The following RAP1GDS1 variants were observed in gnomAD, a reference collection of about 807,000 sequenced individuals.
RAP1GDS1 encodes RAP1, GTP-GDP dissociation stimulator 1.
RAP1GDS1 carries 35 observed loss-of-function variants against 71.1 expected under a neutral mutation model. The observed-to-expected ratio is 0.49, with a 90% CI of 0.38 to 0.65. The LOEUF is 0.65. Ranked by LOEUF, RAP1GDS1 falls within the 30% of genes least tolerant of loss-of-function variation. The probability of loss-of-function intolerance (pLI) is 0.00; values close to 1 mark genes in which losing one functional copy is unlikely to be tolerated. For missense variants in RAP1GDS1, 663 were observed against 706.1 expected, an observed-to-expected ratio of 0.94 and a Z score of 0.69; for synonymous variants, 229 against 243.1, an observed-to-expected ratio of 0.94 and a Z score of 0.54.
chr4:98,429,964 C>A (rs1750161962), intron 12 of RAP1GDS1, among the ~76,000 whole-genome samples: 1 of 151,942 alleles, frequency 6.6e-6, no homozygotes, highest in Non-Finnish European at 1.5e-5. Context: ...AAGATACATC[C>A]CAGCTTCTTA....
chr4:98,321,655 T>A (rs1180678162), intron 2 of RAP1GDS1, among the ~76,000 whole-genome samples: 1 of 146,884 alleles, frequency 6.8e-6, no homozygotes, highest in African/African-American at 2.5e-5. Context: ...CAGAATTTCA[T>A]ATCCAGCCAA....
chr4:98,341,185 G>C (rs61522996), intron 2 of RAP1GDS1, among the ~76,000 whole-genome samples: 1 of 152,258 alleles, frequency 6.6e-6, no homozygotes, highest in East Asian at 1.9e-4. Context: ...CATGCTAGCA[G>C]GTAAAAATAA....
At position 98,405,667 on chromosome 4, in the gene RAP1GDS1, A is replaced by G. The variant is rs144683031; in HGVS notation, c.763+1065A>G. On this transcript the variant is annotated intron_variant, in intron 7 of 14. Coordinates refer to ENST00000408927, the MANE Select transcript of RAP1GDS1 (RefSeq NM_001100427.2). ...ACAAAAATCCACATCTAGATGCCTC[A>G]TACTGAAAATGTAGAAAACCAATGA... 3.7e-3 allele frequency among the ~76,000 whole-genome samples: 562 copies of G among 152,212 alleles called. 4 individuals carry two copies. The highest frequency in any genetic ancestry group is 0.012 in the African/African-American group (519 of 41,572).
intron 4 of RAP1GDS1, among the ~76,000 whole-genome samples, chr4:98,362,433 A>G (rs548402617): frequency 6.6e-6 from 1 of 152,308 alleles, no homozygotes; most frequent in East Asian, 1.9e-4. Flanking sequence ...TGATTGTGCT[A>G]CCACACTCCA....
At chr4:98,349,765 G>C (rs1398706297) in intron 3 of RAP1GDS1, among the ~76,000 whole-genome samples, 1 of 151,256 alleles carries the variant, frequency 6.6e-6, no homozygotes, top group Non-Finnish European at 1.5e-5. Flanking sequence ...TTGGCTCTCT[G>C]TTTGTCTGTT....
intron 1 of RAP1GDS1, among the ~76,000 whole-genome samples, chr4:98,270,587 C>T (rs1723313347): frequency 1.3e-5 from 2 of 152,270 alleles, no homozygotes; most frequent in East Asian, 3.9e-4. Flanking sequence ...TAACTAGAAG[C>T]ATTTCAGGAG....
At chr4:98,377,648 G>GTGTC (rs1243248186) in intron 4 of RAP1GDS1, among the ~76,000 whole-genome samples, 5 of 151,654 alleles carry the variant, frequency 3.3e-5, no homozygotes, top group African/African-American at 1.2e-4. Context: ...GTGTGTGTGT[G>GTGTC]TGTATACCAT....
At chr4:98,426,193 C>G (rs1749585690) in intron 12 of RAP1GDS1, among the ~76,000 whole-genome samples, 1 of 152,018 alleles carries the variant, frequency 6.6e-6, no homozygotes, top group South Asian at 2.1e-4. Flanking sequence ...AATGATACAA[C>G]CTATCAATAC....
intron 3 of RAP1GDS1, among the ~76,000 whole-genome samples, chr4:98,351,774 A>G (rs980774883): frequency 1.8e-4 from 28 of 152,072 alleles, no homozygotes; most frequent in Admixed American, 1.2e-3. Context: ...AGAATGGCAT[A>G]CCATAAAAAT....
At chr4:98,404,642 A>G (rs372317613) in intron 7 of RAP1GDS1, 40 bp downstream of exon 7, 1 of 1,577,868 alleles carries the variant, frequency 6.3e-7, no homozygotes, top group South Asian at 1.2e-5. Context: ...TTGATCATGT[A>G]TGCTTTAAAC....
chr4:98,357,040 T>C (rs1738073729), intron 4 of RAP1GDS1, among the ~76,000 whole-genome samples: 1 of 151,962 alleles, frequency 6.6e-6, no homozygotes. Flanking sequence ...CCAATAATTG[T>C]ACAATATTTT....
intron 2 of RAP1GDS1, among the ~76,000 whole-genome samples, chr4:98,310,877 A>C (rs1410283999): frequency 1.3e-5 from 2 of 152,202 alleles, no homozygotes; most frequent in Non-Finnish European, 2.9e-5. Flanking sequence ...TACCTTTTTA[A>C]ATATTGCTGC....
chr4:98,355,136 T>C (rs2110428612), intron 4 of RAP1GDS1, among the ~76,000 whole-genome samples: 1 of 152,298 alleles, frequency 6.6e-6, no homozygotes, highest in African/African-American at 2.4e-5. Flanking sequence ...TGAAATGCAT[T>C]TCTCATTTTA....
At chr4:98,432,875 G>T (rs1401848532) in intron 12 of RAP1GDS1, among the ~76,000 whole-genome samples, 1 of 152,206 alleles carries the variant, frequency 6.6e-6, no homozygotes, top group South Asian at 2.1e-4. Flanking sequence ...ACCAAAAAGG[G>T]TACTAGAAAT....
At chr4:98,429,510 G>A (rs1168535588) in intron 12 of RAP1GDS1, among the ~76,000 whole-genome samples, 1 of 152,114 alleles carries the variant, frequency 6.6e-6, no homozygotes, top group Non-Finnish European at 1.5e-5. Context: ...AGGGTGGGAA[G>A]GGGGTGAGGG....
intron 2 of RAP1GDS1, among the ~76,000 whole-genome samples, chr4:98,298,723 TAACAC>T (rs975399557): frequency 2.0e-5 from 3 of 152,178 alleles, no homozygotes; most frequent in African/African-American, 7.2e-5. Context: ...TTGTGCCTGT[TAACAC>T]AACATCCGTG....
intron 2 of RAP1GDS1, among the ~76,000 whole-genome samples, chr4:98,301,015 T>C (rs936906543): frequency 5.9e-5 from 9 of 151,530 alleles, no homozygotes; most frequent in South Asian, 2.1e-4. Context: ...GTTTTTTTTT[T>C]CCTGTATTTG....
chr4:98,262,829 A>G (rs1245617548), intron 1 of RAP1GDS1, among the ~76,000 whole-genome samples: 1 of 152,216 alleles, frequency 6.6e-6, no homozygotes, highest in African/African-American at 2.4e-5. Flanking sequence ...CTGGAACAGC[A>G]AATGCTTCAG....
At chr4:98,373,005 C>T (rs912839935) in intron 4 of RAP1GDS1, among the ~76,000 whole-genome samples, 8 of 152,166 alleles carry the variant, frequency 5.3e-5, no homozygotes, top group Non-Finnish European at 1.2e-4. Flanking sequence ...TTACTTTAGA[C>T]AGTCAATTAT....
Sources: gnomAD v4.1 joint callset for allele counts (sites outside exome capture counted in the v4.1 genomes callset) on GRCh38, gnomAD v4.1.1 for gene constraint, MANE v1.5 for transcripts, NCBI Gene and HGNC (gene_info 2026-07-23, HGNC 2026-07-21) for gene names.